Variants in ERC1 observed in about 807,000 individuals in gnomAD.
ERC1 encodes ELKS/RAB6-interacting/CAST family member 1, also known as RAB6 interacting protein 2.
A neutral mutation model predicts 132.0 loss-of-function variants in ERC1; 56 were observed. That is an observed-to-expected ratio of 0.42 (90% CI 0.34 to 0.53). The LOEUF is 0.53. ERC1 is among the 20% of genes least tolerant of loss of function. The pLI is 0.03. For synonymous variants in ERC1, 478 were observed against 476.1 expected, an observed-to-expected ratio of 1.00 and a Z score of -0.05; for missense variants, 1,202 against 1,349.9, an observed-to-expected ratio of 0.89 and a Z score of 1.72.
At chr12:1,302,016 C>T (rs1273135348) in intron 15 of ERC1, among the ~76,000 whole-genome samples, 1 of 152,100 alleles carries the variant, frequency 6.6e-6, no homozygotes, top group Non-Finnish European at 1.5e-5. Context: ...AGAATTGTGA[C>T]CCTCCTGCCT....
chr12:1,428,108 A>T (rs1184273207), intron 17 of ERC1, among the ~76,000 whole-genome samples: 1 of 152,158 alleles, frequency 6.6e-6, no homozygotes, highest in Non-Finnish European at 1.5e-5. Flanking sequence ...TATCTTAATG[A>T]TTATGGGCAT....
At chr12:1,457,091 G>A (rs2093554084) in intron 18 of ERC1, among the ~76,000 whole-genome samples, 1 of 152,168 alleles carries the variant, frequency 6.6e-6, no homozygotes, top group Admixed American at 6.5e-5. Context: ...ATACCACTGT[G>A]TTCCAGTTGC....
At chr12:1,122,071 A>C (rs201398046) in intron 7 of ERC1, among the ~76,000 whole-genome samples, 4 of 1,134 alleles carry the variant, frequency 3.5e-3, no homozygotes, top group Admixed American at 0.023. Flanking sequence ...CTCTATCTCT[A>C]TATCTCTATC....
chr12:1,376,972 C>G (rs10848463), intron 16 of ERC1, among the ~76,000 whole-genome samples: 61,581 of 151,876 alleles, frequency 0.41, 13,730 homozygotes, highest in African/African-American at 0.59. Flanking sequence ...GAGATGACAT[C>G]AGGTGATCCC....
intron 14 of ERC1, among the ~76,000 whole-genome samples, chr12:1,281,199 G>A (rs964712290): frequency 4.6e-5 from 7 of 152,074 alleles, no homozygotes; most frequent in African/African-American, 1.7e-4. Context: ...CGAATAAAAT[G>A]CAATAAATAT....
At chr12:1,375,428 A>T (rs949570309) in intron 16 of ERC1, among the ~76,000 whole-genome samples, 4 of 152,158 alleles carry the variant, frequency 2.6e-5, no homozygotes, top group Non-Finnish European at 4.4e-5. Flanking sequence ...ATTCGAGGTG[A>T]GATTTGGGTG....
chr12:1,116,730 A>G (rs1237576979), intron 7 of ERC1, among the ~76,000 whole-genome samples: 1 of 151,930 alleles, frequency 6.6e-6, no homozygotes, highest in Admixed American at 6.6e-5. Context: ...TTATAGGCGC[A>G]TGCCACCAAG....
At position 1,157,373 on chromosome 12, in the gene ERC1, T is replaced by A. The variant is rs546204162; in HGVS notation, c.1737+15586T>A. ...GCCCTTGCCAAGGTTATTAAATAATTCATACATGCTTTTCTCTGGTACTTT... is the reference window on the plus strand; with the variant it reads ...GCCCTTGCCAAGGTTATTAAATAATACATACATGCTTTTCTCTGGTACTTT... On this transcript the variant is annotated intron_variant, in intron 8 of 18. Coordinates refer to ENST00000360905, the MANE Select transcript of ERC1 (RefSeq NM_178040.4). Among the ~76,000 whole-genome samples the A allele has an allele frequency of 2.0e-5, 3 of 152,346 alleles. No homozygotes were observed. The South Asian group carries it at 6.2e-4, about 32-fold the overall frequency.
At chr12:1,317,143 A>G (rs2081799451) in intron 15 of ERC1, among the ~76,000 whole-genome samples, 1 of 151,212 alleles carries the variant, frequency 6.6e-6, no homozygotes, top group Admixed American at 6.6e-5. Context: ...CCTGGGCAAC[A>G]AGAGAGAAAC....
chr12:1,493,955 C>T lies in ERC1; in HGVS notation c.*3725C>T, dbSNP rs550357529. The T allele has an allele frequency of 3.4e-5, 8 of 232,156 alleles. No homozygotes were observed. Among genetic ancestry groups the T allele is most frequent in the Non-Finnish European group, 6.0e-5 (7 of 117,502 alleles). 14.4% of individuals were successfully genotyped at this position (232,156 alleles called of 1,614,324 possible). A position where few individuals can be genotyped will look rare whatever the true frequency, so the allele number is the denominator to read the frequency against. On this transcript the variant is annotated 3_prime_UTR_variant, in exon 19 of 19. Transcript: ENST00000360905. The stretch of plus-strand genomic sequence containing the variant: ...CCCCAAAATATAAATGTTTCTGAGC[C>T]GCCCATCCACTGGCATTTGGATTTG...
At chr12:1,071,170 G>A (rs1052425427) in intron 2 of ERC1, among the ~76,000 whole-genome samples, 6 of 152,080 alleles carry the variant, frequency 3.9e-5, no homozygotes, top group African/African-American at 1.4e-4. Context: ...ATTTTTATAT[G>A]GTTGTGTTTA....
At chr12:1,403,189 C>T (rs937236568) in intron 16 of ERC1, among the ~76,000 whole-genome samples, 2 of 152,202 alleles carry the variant, frequency 1.3e-5, no homozygotes, top group Non-Finnish European at 2.9e-5. Context: ...CAGCAAGTTT[C>T]TTCCTTCTTC....
chr12:1,408,190 TG>T lies in ERC1; in HGVS notation c.2968del (p.Asp990ThrfsTer25), dbSNP rs746688044. The T allele has an allele frequency of 6.2e-6, 10 of 1,613,982 alleles. No individual in the cohort carries two copies. The highest frequency in any genetic ancestry group is 1.7e-5 in the Admixed American group (1 of 59,990). On this transcript the variant is annotated frameshift_variant, in exon 17 of 19. Coordinates refer to ENST00000360905, the MANE Select transcript of ERC1 (RefSeq NM_178040.4). LOFTEE classifies it high-confidence loss of function. Reference sequence around the variant, plus strand: ...AGCTAATGGCCGACAACTACGAGGATGACCACTTCAAATCCTCCCATTCCAA... The same window carrying T: ...AGCTAATGGCCGACAACTACGAGGATACCACTTCAAATCCTCCCATTCCAA... ...MKLMADNYED[D>X]HFKSSHSNQT...
chr12:1,223,372 C>T (rs1475416635), intron 12 of ERC1, among the ~76,000 whole-genome samples: 2 of 152,198 alleles, frequency 1.3e-5, no homozygotes, highest in Non-Finnish European at 2.9e-5. Flanking sequence ...CTGGCATAGT[C>T]TGCATTGACT....
intron 14 of ERC1, 80 bp from the exon 15 acceptor site, chr12:1,289,772 C>A: frequency 1.8e-6 from 2 of 1,123,850 alleles, no homozygotes; most frequent in Non-Finnish European, 2.6e-6. Flanking sequence ...TTTCTGGACC[C>A]AGGAGTTGCG....
rs189729354 is a variant in ERC1, at chr12:1,022,623, G to A, written c.-156-5125G>A. On this transcript the variant is annotated intron_variant, in intron 1 of 18. Coordinates refer to ENST00000360905, the MANE Select transcript of ERC1 (RefSeq NM_178040.4). The stretch of plus-strand genomic sequence containing the variant: ...CTGGTGGTAGCTGAATCGTGGGGTC[G>A]GTTACCCCATGCTGTTCTGATAGTG... Among the ~76,000 whole-genome samples the A allele has an allele frequency of 4.6e-4, 70 of 152,002 alleles. No individual in the cohort carries two copies. In the Middle Eastern group the frequency reaches 0.01, roughly 22 times the overall value.
intron 3 of ERC1, among the ~76,000 whole-genome samples, chr12:1,101,924 A>G (rs1944709706): frequency 6.6e-6 from 1 of 152,226 alleles, no homozygotes; most frequent in African/African-American, 2.4e-5. Flanking sequence ...CATCTACCCA[A>G]GAAGGGTTGC....
At chr12:1,466,682 C>G (rs1389384735) in intron 18 of ERC1, among the ~76,000 whole-genome samples, 1 of 152,186 alleles carries the variant, frequency 6.6e-6, no homozygotes, top group Non-Finnish European at 1.5e-5. Flanking sequence ...TTACTGAATA[C>G]TCCCTTAGGG....
intron 7 of ERC1, among the ~76,000 whole-genome samples, chr12:1,117,285 A>G (rs540616165): frequency 1.3e-5 from 2 of 152,380 alleles, no homozygotes. Flanking sequence ...AGAATCTTCC[A>G]ATAAGGAAGA....
Sources: gnomAD v4.1 joint callset for allele counts (sites outside exome capture counted in the v4.1 genomes callset) on GRCh38, gnomAD v4.1.1 for gene constraint, MANE v1.5 for transcripts, NCBI Gene and HGNC (gene_info 2026-07-23, HGNC 2026-07-21) for gene names.